Variants in PTPRN2 observed in about 807,000 individuals in gnomAD.
PTPRN2 encodes the protein protein tyrosine phosphatase receptor type N2.
A neutral mutation model predicts 118.8 loss-of-function variants in PTPRN2; 74 were observed. The observed-to-expected ratio is 0.62, with a 90% CI of 0.52 to 0.76. The LOEUF (loss-of-function observed/expected upper bound fraction) is 0.76, where lower values mean the gene tolerates loss of function less well. PTPRN2 is among the 30% of genes least tolerant of loss of function. The pLI, the probability that PTPRN2 is intolerant of heterozygous loss-of-function variation, is 0.00. For missense variants in PTPRN2, 1,481 were observed against 1,394.4 expected, an observed-to-expected ratio of 1.06 and a Z score of -0.99; for synonymous variants, 641 against 608.0, an observed-to-expected ratio of 1.05 and a Z score of -0.80.
intron 4 of PTPRN2, among the ~76,000 whole-genome samples, chr7:158,199,714 G>T (rs897819283): frequency 6.6e-6 from 1 of 152,186 alleles, no homozygotes; most frequent in Admixed American, 6.5e-5. Flanking sequence ...ACCCATGCAA[G>T]AATTCAAAGG....
At chr7:158,372,976 GA>G (rs200229578) in intron 2 of PTPRN2, among the ~76,000 whole-genome samples, 3,209 of 152,184 alleles carry the variant, frequency 0.021, 114 homozygotes, top group African/African-American at 0.072. Flanking sequence ...GGCCACTCTA[GA>G]ACACCGAAGG....
At chr7:158,524,101 G>C (rs1206881005) in intron 1 of PTPRN2, among the ~76,000 whole-genome samples, 1 of 71,880 alleles carries the variant, frequency 1.4e-5, no homozygotes, top group Non-Finnish European at 2.6e-5. Context: ...GAGTGGAGTC[G>C]TCTACCCTGG....
chr7:158,069,662 C>T (rs967112376), intron 11 of PTPRN2, among the ~76,000 whole-genome samples: 1 of 152,234 alleles, frequency 6.6e-6, no homozygotes. Flanking sequence ...AACCCCATGA[C>T]ATCTTACTGT....
At position 158,133,793 on chromosome 7, in the gene PTPRN2, G is replaced by A; in HGVS notation, c.1440C>T (p.Pro480=). Residue 480 remains proline (P), a synonymous_variant, in exon 9 of 23, where the codon CCC becomes CCT. Coordinates refer to ENST00000389418, the MANE Select transcript of PTPRN2 (RefSeq NM_002847.5). The stretch of plus-strand genomic sequence containing the variant: ...CTGGAAGGCTCTGCTCCTCCTTCGA[G>A]GGCCCAGGCATCTGGTTTTGGAGCT... ...FGELQNQMPG[P]SKEEQSLPAG... The A allele has an allele frequency of 6.2e-7, 1 of 1,613,986 alleles. No individual in the cohort carries two copies. The highest frequency in any genetic ancestry group is 2.2e-5 in the East Asian group (1 of 44,882).
intron 13 of PTPRN2, among the ~76,000 whole-genome samples, chr7:157,667,851 C>T (rs557967379): frequency 3.9e-5 from 6 of 152,358 alleles, no homozygotes; most frequent in South Asian, 4.1e-4. Context: ...TTTTGCAGCT[C>T]GGTGCTGCCT....
In PTPRN2 at chr7:157,674,592, G is replaced by C. The variant is rs1796573085; in HGVS notation, c.2001+8133C>G. On this transcript the variant is annotated intron_variant, in intron 13 of 22. Coordinates refer to ENST00000389418, the MANE Select transcript of PTPRN2 (RefSeq NM_002847.5). This position sits in a 1 kb window ranked among gnomAD's most constrained non-coding sequence, Gnocchi z 4.5. ...AGCTGGGCTTTGCCATTTTTGACAG[G>C]CTAATGCATTTCACCACAGATAATG... Among the ~76,000 whole-genome samples, 1 of 152,208 alleles carries C rather than the reference G, an allele frequency of 6.6e-6. No homozygotes were observed. Among genetic ancestry groups the C allele is most frequent in the Non-Finnish European group, 1.5e-5 (1 of 68,034 alleles).
intron 3 of PTPRN2, among the ~76,000 whole-genome samples, chr7:158,248,640 C>T (rs1289989064): frequency 6.6e-6 from 1 of 151,330 alleles, no homozygotes; most frequent in Non-Finnish European, 1.5e-5. Context: ...ACACACCACA[C>T]ATATGCACAC....
At chr7:158,337,110 G>C (rs1212739310) in intron 2 of PTPRN2, among the ~76,000 whole-genome samples, 18 of 151,872 alleles carry the variant, frequency 1.2e-4, no homozygotes, top group African/African-American at 4.4e-4. Flanking sequence ...CTCACCATAA[G>C]AGCTGAGGCC....
intron 2 of PTPRN2, among the ~76,000 whole-genome samples, chr7:158,375,422 G>A (rs1466232673): frequency 6.6e-6 from 1 of 152,238 alleles, no homozygotes; most frequent in African/African-American, 2.4e-5. Context: ...CCAGGCTCAA[G>A]CTCCTGGTGT....
At position 157,620,595 on chromosome 7, in the gene PTPRN2, C is replaced by T. The variant is rs936034877; in HGVS notation, c.2344+767G>A. ...AGCGTGACCCCAATTACAGATGTGA[C>T]GTGGAGGCTCCAAGAGGTTCAGGAA... On this transcript the variant is annotated intron_variant, in intron 15 of 22. Coordinates refer to ENST00000389418, the MANE Select transcript of PTPRN2 (RefSeq NM_002847.5). 7.9e-5 allele frequency among the ~76,000 whole-genome samples: 12 copies of T among 152,322 alleles called. No homozygotes were observed. In the South Asian group the frequency reaches 1.0e-3, roughly 13 times the overall value.
intron 1 of PTPRN2, among the ~76,000 whole-genome samples, chr7:158,510,427 CTAAG>C (rs1332923212): frequency 7.2e-6 from 1 of 139,668 alleles, no homozygotes; most frequent in African/African-American, 2.7e-5. Flanking sequence ...CTCATTCACA[CTAAG>C]TGTGTGTGTT....
Position 157,621,379 on chromosome 7 carries a change from G to GTC in PTPRN2, c.2326_2327insGA (p.Ser776Ter), listed in dbSNP as rs1803228551. Residue 776 changes from serine (S) to a stop codon, truncating the protein, a stop_gained and frameshift_variant, in exon 15 of 23, where the codon TCC becomes TGACC. Transcript: ENST00000389418. LOFTEE classifies it high-confidence loss of function. ...QREENVPKNR[S>*]LAVLTYDHSR... is the part of the protein sequence containing the mutation. The stretch of plus-strand genomic sequence containing the variant: ...GTACGTACAGGTCAGCACGGCCAGG[G>GTC]AGCGGTTCTTGGGCACGTTCTCCTC... The GTC allele has an allele frequency of 6.6e-7, 1 of 1,517,648 alleles. No homozygotes were observed. The highest frequency in any genetic ancestry group is 9.0e-7 in the Non-Finnish European group (1 of 1,111,554). The allele number at this position is 1,517,648 out of a possible 1,614,324, so 94.0% of individuals were successfully genotyped here.
chr7:158,165,650 A>G (rs1822897306), intron 6 of PTPRN2, among the ~76,000 whole-genome samples: 1 of 152,278 alleles, frequency 6.6e-6, no homozygotes, highest in Non-Finnish European at 1.5e-5. Flanking sequence ...GAGTGCTCAC[A>G]TAACGCGATG....
chr7:158,443,861 G>A lies in PTPRN2; in HGVS notation c.163+45874C>T, dbSNP rs185714286. 4.7e-4 allele frequency among the ~76,000 whole-genome samples: 72 copies of A among 152,300 alleles called. 2 individuals carry two copies. The South Asian group carries it at 5.0e-3, about 11-fold the overall frequency. ...GAGTGGACTGTTGGCCACCAGCAACGGGGCTGCCTGGGACGGCCAGGGGCA... is the reference window on the plus strand; with the variant it reads ...GAGTGGACTGTTGGCCACCAGCAACAGGGCTGCCTGGGACGGCCAGGGGCA... On this transcript the variant is annotated intron_variant, in intron 2 of 22. Coordinates refer to ENST00000389418, the MANE Select transcript of PTPRN2 (RefSeq NM_002847.5).
intron 12 of PTPRN2, among the ~76,000 whole-genome samples, chr7:157,866,837 C>G (rs1243725689): frequency 3.1e-5 from 4 of 129,746 alleles, no homozygotes; most frequent in Non-Finnish European, 5.1e-5. Context: ...ACCGCCCCCC[C>G]CCGACGCCCT....
intron 11 of PTPRN2, among the ~76,000 whole-genome samples, chr7:157,943,027 A>G (rs555067263): frequency 1.3e-5 from 2 of 152,208 alleles, no homozygotes; most frequent in Non-Finnish European, 2.9e-5. Context: ...TGTGCACAGC[A>G]GGAGGGCCGG....
At chr7:157,823,664 A>G (rs1216090747) in intron 12 of PTPRN2, among the ~76,000 whole-genome samples, 1 of 152,228 alleles carries the variant, frequency 6.6e-6, no homozygotes, top group East Asian at 1.9e-4. Flanking sequence ...TCAAGTTCAT[A>G]TGACAGGCAA....
chr7:158,185,688 A>G (rs550615791), intron 5 of PTPRN2, among the ~76,000 whole-genome samples: 1 of 152,278 alleles, frequency 6.6e-6, no homozygotes, highest in South Asian at 2.1e-4. Context: ...TCGAGTTTCC[A>G]TCGTACACAT....
In PTPRN2 at chr7:158,555,274, G is replaced by C. The variant is rs992294545; in HGVS notation, c.112+32284C>G. 1.3e-5 allele frequency among the ~76,000 whole-genome samples: 2 copies of C among 152,190 alleles called. No homozygotes were observed. Among genetic ancestry groups the C allele is most frequent in the Admixed American group, 1.3e-4 (2 of 15,290 alleles). ...TGCAAGATCCCACAGCTGCCTTTTG[G>C]GGGAGGTTGGGGCTTATGCCTTAGG... On this transcript the variant is annotated intron_variant, in intron 1 of 22. Transcript: ENST00000389418. This position sits in a 1 kb window ranked among gnomAD's most constrained non-coding sequence, Gnocchi z 4.7.
Sources: gnomAD v4.1 joint callset for allele counts (sites outside exome capture counted in the v4.1 genomes callset) on GRCh38, gnomAD v4.1.1 for gene constraint, Gnocchi (gnomAD v3.1) non-coding constraint, MANE v1.5 for transcripts, NCBI Gene and HGNC (gene_info 2026-07-23, HGNC 2026-07-21) for gene names.